FRAS1: variants seen among roughly 807,000 people sequenced by gnomAD.
FRAS1 encodes the protein Fraser extracellular matrix complex subunit 1.
FRAS1 carries 290 observed loss-of-function variants against 435.2 expected under a neutral mutation model. That is an observed-to-expected ratio of 0.67 (90% CI 0.61 to 0.73). The LOEUF is 0.73. FRAS1 is among the 30% of genes least tolerant of loss of function. The pLI is 0.00. For synonymous variants in FRAS1, 1,800 were observed against 1,851.0 expected (o/e 0.97, Z 0.71); for missense variants, 4,860 against 5,001.5 (o/e 0.97, Z 0.85).
intron 2 of FRAS1, among the ~76,000 whole-genome samples, chr4:78,084,524 T>C (rs1358653107): frequency 6.6e-6 from 1 of 152,118 alleles, no homozygotes; most frequent in East Asian, 1.9e-4. Context: ...TTTAACATAT[T>C]TGAGGTCTAT....
At chr4:78,382,808 C>T (rs77111179) in intron 27 of FRAS1, among the ~76,000 whole-genome samples, 7,793 of 152,200 alleles carry the variant, frequency 0.051, 649 homozygotes, top group African/African-American at 0.17. Context: ...TTTATAGTTG[C>T]TCCTTTACCC....
intron 2 of FRAS1, among the ~76,000 whole-genome samples, chr4:78,175,836 G>A (rs971622265): frequency 6.6e-6 from 1 of 152,072 alleles, no homozygotes; most frequent in African/African-American, 2.4e-5. Context: ...AATCCTTCTG[G>A]AAGCCTGCTG....
At chr4:78,217,340 G>A (rs1215121041) in intron 2 of FRAS1, among the ~76,000 whole-genome samples, 1 of 152,078 alleles carries the variant, frequency 6.6e-6, no homozygotes, top group South Asian at 2.1e-4. Context: ...GCATCCCTTA[G>A]CCCAGTCACA....
chr4:78,438,505 A>C (rs189572762), intron 38 of FRAS1, 65 bp from the exon 39 acceptor site: 1 of 1,519,756 alleles, frequency 6.6e-7, no homozygotes, highest in African/African-American at 1.4e-5. Context: ...ATAGATCTTT[A>C]GCTACTGGAA....
intron 35 of FRAS1, among the ~76,000 whole-genome samples, chr4:78,427,182 G>C (rs1282677254): frequency 6.6e-6 from 1 of 152,108 alleles, no homozygotes; most frequent in Non-Finnish European, 1.5e-5. Flanking sequence ...GGTTAATCAT[G>C]GGAGGGGAGC....
intron 2 of FRAS1, among the ~76,000 whole-genome samples, chr4:78,222,862 T>TAAAATG (rs1220185852): frequency 6.6e-6 from 1 of 152,210 alleles, no homozygotes; most frequent in African/African-American, 2.4e-5. Flanking sequence ...ATTGGAAATG[T>TAAAATG]AAAATGAAAG....
chr4:78,335,648 T>C (rs1730141277), intron 19 of FRAS1, among the ~76,000 whole-genome samples: 1 of 152,210 alleles, frequency 6.6e-6, no homozygotes, highest in African/African-American at 2.4e-5. Context: ...TGCACTTGTA[T>C]GGAATCAAGA....
At chr4:78,150,001 G>A (rs1199112324) in intron 2 of FRAS1, among the ~76,000 whole-genome samples, 1 of 152,220 alleles carries the variant, frequency 6.6e-6, no homozygotes, top group Non-Finnish European at 1.5e-5. Flanking sequence ...GGGTACATCA[G>A]TGGCGAATCC....
intron 59 of FRAS1, among the ~76,000 whole-genome samples, chr4:78,491,618 A>C (rs1720355587): frequency 6.6e-6 from 1 of 152,120 alleles, no homozygotes; most frequent in Non-Finnish European, 1.5e-5. Context: ...CATGATAAAA[A>C]CTCTCAATAA....
rs1320360338 is a variant in FRAS1, at chr4:78,274,896, C to T, written c.982-3759C>T. On this transcript the variant is annotated intron_variant, in intron 9 of 73. Coordinates refer to ENST00000512123, the MANE Select transcript of FRAS1 (RefSeq NM_025074.7). ...TTAACTTTCTGTCTCGTTGATCTGT[C>T]TAATGTTGACAGTGGGGTGTTAAAG... Among the ~76,000 whole-genome samples the T allele has an allele frequency of 3.9e-5, 6 of 152,108 alleles. 1 individual carries two copies. The highest frequency in any genetic ancestry group is 4.2e-4 in the South Asian group (2 of 4,810).
intron 2 of FRAS1, among the ~76,000 whole-genome samples, chr4:78,212,349 G>C (rs1203772404): frequency 2.0e-5 from 3 of 152,080 alleles, no homozygotes; most frequent in Non-Finnish European, 2.9e-5. Flanking sequence ...GGGTAGTAGT[G>C]CCTCTTGTCT....
intron 18 of FRAS1, among the ~76,000 whole-genome samples, chr4:78,326,225 C>T (rs1309667198): frequency 6.6e-6 from 1 of 152,088 alleles, no homozygotes; most frequent in Non-Finnish European, 1.5e-5. Context: ...GCTGCACTAA[C>T]CCAAGTCATG....
chr4:78,472,334 G>T lies in FRAS1; in HGVS notation c.7522+4G>T. 2 of 1,594,444 alleles carry T rather than the reference G, an allele frequency of 1.3e-6. No individual in the cohort carries two copies. The highest frequency in any genetic ancestry group is 2.2e-5 in the East Asian group (1 of 44,546). ...GCTGCTGCCACTTTCACCCAGGGTG[G>T]GGACTCTCTGGGAACTTAGAAATGG... On this transcript the variant is annotated splice_donor_region_variant and intron_variant, in intron 52 of 73. Transcript: ENST00000512123.
intron 55 of FRAS1, among the ~76,000 whole-genome samples, chr4:78,478,339 A>C (rs1470617192): frequency 6.6e-6 from 1 of 152,206 alleles, no homozygotes; most frequent in Non-Finnish European, 1.5e-5. Flanking sequence ...ATTATTCATG[A>C]ATCAGTATTC....
chr4:78,488,287 G>A (rs2109864516), intron 58 of FRAS1, among the ~76,000 whole-genome samples: 1 of 152,312 alleles, frequency 6.6e-6, no homozygotes, highest in East Asian at 1.9e-4. Flanking sequence ...GAATTCAGGA[G>A]CTATGTCATA....
intron 52 of FRAS1, among the ~76,000 whole-genome samples, chr4:78,473,151 G>A (rs1719759445): frequency 6.6e-6 from 1 of 152,098 alleles, no homozygotes; most frequent in Non-Finnish European, 1.5e-5. Context: ...GACATTTATT[G>A]AAGTGCTTTT....
chr4:78,360,358 G>A (rs537925655), intron 20 of FRAS1, among the ~76,000 whole-genome samples: 2 of 152,174 alleles, frequency 1.3e-5, no homozygotes, highest in South Asian at 4.1e-4. Flanking sequence ...GAGTTAGAGA[G>A]GCAAGGAAGT....
At chr4:78,490,109 A>C (rs1218656159) in intron 59 of FRAS1, among the ~76,000 whole-genome samples, 1 of 152,142 alleles carries the variant, frequency 6.6e-6, no homozygotes, top group African/African-American at 2.4e-5. Context: ...ACATGAGCTA[A>C]CTTTCCTAAA....
intron 14 of FRAS1, among the ~76,000 whole-genome samples, chr4:78,297,386 G>C (rs903874074): frequency 6.6e-6 from 1 of 152,176 alleles, no homozygotes; most frequent in Non-Finnish European, 1.5e-5. Flanking sequence ...GGAAAATAAG[G>C]TGCTTACACG....
Sources: gnomAD v4.1 joint callset for allele counts (sites outside exome capture counted in the v4.1 genomes callset) on GRCh38, gnomAD v4.1.1 for gene constraint, MANE v1.5 for transcripts, NCBI Gene and HGNC (gene_info 2026-07-23, HGNC 2026-07-21) for gene names.